Variants in BRD2 observed in about 807,000 individuals in gnomAD.
BRD2 encodes bromodomain containing 2.
A neutral mutation model predicts 79.1 loss-of-function variants in BRD2; 15 were observed. That is an observed-to-expected ratio of 0.19 (90% CI 0.13 to 0.29). The LOEUF is 0.29. Among genes scored for constraint, BRD2 ranks in the 10% least tolerant of loss-of-function variants. BRD2 has a pLI of 1.00. For missense variants in BRD2, 1,053 were observed against 991.3 expected, an observed-to-expected ratio of 1.06 and a Z score of -0.84; for synonymous variants, 488 against 358.6, an observed-to-expected ratio of 1.36 and a Z score of -4.08.
At position 32,971,823 on chromosome 6, in the gene BRD2, G is replaced by A. The variant is rs1329945240; in HGVS notation, c.-1076G>A. 5 of 668,482 alleles carry A rather than the reference G, an allele frequency of 7.5e-6. No homozygotes were observed. The highest frequency in any genetic ancestry group is 4.5e-5 in the Admixed American group (2 of 44,700). 41.4% of individuals were successfully genotyped at this position (668,482 alleles called of 1,614,324 possible). A position where few individuals can be genotyped will look rare whatever the true frequency, so the allele number is the denominator to read the frequency against. On this transcript the variant is annotated 5_prime_UTR_variant, in exon 2 of 13. The change creates a new upstream start codon in the 5' untranslated region. Coordinates refer to ENST00000374825, the MANE Select transcript of BRD2 (RefSeq NM_005104.4). ...TGTTGGAAGGGGAGGCGGGGAGAGA[G>A]TGCTGGAGGCTCTGGGGCGATGGCT...
In BRD2 at chr6:32,980,851, G is replaced by A; in HGVS notation, c.*133G>A. 9.0e-7 allele frequency: 1 copy of A among 1,106,572 alleles called. No homozygotes were observed. The highest frequency in any genetic ancestry group is 1.3e-6 in the Non-Finnish European group (1 of 777,720). 68.5% of individuals were successfully genotyped at this position (1,106,572 alleles called of 1,614,324 possible). On this transcript the variant is annotated 3_prime_UTR_variant, in exon 13 of 13. Coordinates refer to ENST00000374825, the MANE Select transcript of BRD2 (RefSeq NM_005104.4). ...CCCCCGCCCCCCTCTAGGAGAGCTG[G>A]CTCTGCAGTGGGGGAGGGATGCAGG...
intron 2 of BRD2, 189 bp downstream of exon 2, chr6:32,973,116 G>C: frequency 1.9e-6 from 3 of 1,554,518 alleles, no homozygotes; most frequent in Non-Finnish European, 2.6e-6. Context: ...TACTGCTCGT[G>C]GAGGGGAATA....
At position 32,975,365 on chromosome 6, in the gene BRD2, C is replaced by T. The variant is rs56088723; in HGVS notation, c.334-19C>T. Reference sequence around the variant, plus strand: ...GCATTTATTTTTCTGTGGTTCTGACCTAACATTTTTTTATTTAGGATTATC... The same window carrying T: ...GCATTTATTTTTCTGTGGTTCTGACTTAACATTTTTTTATTTAGGATTATC... On this transcript the variant is annotated intron_variant, in intron 3 of 12. Transcript: ENST00000374825. The T allele has an allele frequency of 4.7e-4, 743 of 1,589,280 alleles. 10 individuals are homozygous for T. The South Asian group carries it at 7.4e-3, about 16-fold the overall frequency.
chr6:32,974,095 TG>T (rs1561933276), intron 2 of BRD2, among the ~76,000 whole-genome samples: 1 of 152,094 alleles, frequency 6.6e-6, no homozygotes, highest in African/African-American at 2.4e-5. Context: ...GGAGGAAGCT[TG>T]GGGTTTGAGT....
rs1205903769 is a variant in BRD2, at chr6:32,977,576, T to C, written c.1329+6T>C. ...CAATGGCACGAAAGCTACAGGTGAGTGGAAAGGTTGGAGTTTGAAAAATAA... is the reference window on the plus strand; with the variant it reads ...CAATGGCACGAAAGCTACAGGTGAGCGGAAAGGTTGGAGTTTGAAAAATAA... On this transcript the variant is annotated splice_donor_region_variant and intron_variant, in intron 8 of 12. Transcript: ENST00000374825. 1.9e-6 allele frequency: 3 copies of C among 1,613,348 alleles called. No individual in the cohort carries two copies. Among genetic ancestry groups the C allele is most frequent in the Non-Finnish European group, 2.5e-6 (3 of 1,179,880 alleles).
In BRD2 at chr6:32,972,050, C is replaced by G. The variant is rs1057510492; in HGVS notation, c.-849C>G. 8.6e-6 allele frequency: 6 copies of G among 700,892 alleles called. No homozygotes were observed. Among genetic ancestry groups the G allele is most frequent in the Middle Eastern group, 2.3e-4 (1 of 4,386 alleles). 43.4% of individuals were successfully genotyped at this position (700,892 alleles called of 1,614,324 possible). On this transcript the variant is annotated 5_prime_UTR_variant, in exon 2 of 13. Transcript: ENST00000374825. ...AAAAAGCTCCCGCGGAGAGGTGTTC[C>G]TTCCCCTTCGACTCAGCTTCTTCAC... is the stretch of plus-strand genomic sequence containing the variant.
In BRD2 at chr6:32,976,321, A is replaced by G; in HGVS notation, c.682A>G (p.Thr228Ala). 1 of 1,612,412 alleles carries G rather than the reference A, an allele frequency of 6.2e-7. No homozygotes were observed. Among genetic ancestry groups the G allele is most frequent in the South Asian group, 1.1e-5 (1 of 91,052 alleles). Reference protein sequence around the residue: ...VSSVSHTALYTPPPEIPTTVL... With the variant: ...VSSVSHTALYAPPPEIPTTVL... Reference sequence around the variant, plus strand: ...TTCTGTGTCACACACAGCCCTGTATACTCCTCCACCTGAGATACCTACCAC... The same window carrying G: ...TTCTGTGTCACACACAGCCCTGTATGCTCCTCCACCTGAGATACCTACCAC... The change falls in exon 6 of 13, where the codon ACT becomes GCT. Residue 228 changes from threonine to alanine, a missense_variant. Thr to Ala is a moderately conservative substitution (Grantham distance 58). Coordinates refer to ENST00000374825, the MANE Select transcript of BRD2 (RefSeq NM_005104.4).
chr6:32,972,790 G>T lies in BRD2; in HGVS notation c.-109G>T. The T allele has an allele frequency of 6.5e-7, 1 of 1,543,624 alleles. No individual in the cohort carries two copies. On this transcript the variant is annotated 5_prime_UTR_variant, in exon 2 of 13. Transcript: ENST00000374825. ...GGTTTGTCGCCTGGAGGCCCAAGAG[G>T]AACGGCCTCCCCCCAACTTAGCGGG...
chr6:32,978,618 A>ATT, intron 10 of BRD2: 1 of 647,014 alleles, frequency 1.5e-6, no homozygotes, highest in South Asian at 2.1e-5. Context: ...ACCTCAGATC[A>ATT]TTGGGCCATT....
Position 32,976,922 on chromosome 6 carries a change from C to T in BRD2, c.1186C>T (p.Leu396Phe). Residue 396 changes from leucine to phenylalanine, a missense_variant, in exon 7 of 13, where the codon CTC (leucine) becomes TTC (phenylalanine). Transcript: ENST00000374825. ...YHDIIKHPMD[L>F]STVKRKMENR... ...TGACATCATTAAGCACCCCATGGAC[C>T]TCAGCACTGTCAAGGTACCCACTGC... 6.2e-7 allele frequency: 1 copy of T among 1,610,754 alleles called. No individual in the cohort carries two copies. Among genetic ancestry groups the T allele is most frequent in the Non-Finnish European group, 8.5e-7 (1 of 1,178,502 alleles).
chr6:32,973,083 T>C (rs1221345649), intron 2 of BRD2, 156 bp downstream of exon 2: 9 of 1,577,436 alleles, frequency 5.7e-6, no homozygotes, highest in Non-Finnish European at 7.7e-6. Flanking sequence ...GCGACGGTTT[T>C]GGAACGGTGG....
At chr6:32,977,420 C>G (rs780785669) in intron 7 of BRD2, 22 bp from the exon 8 acceptor site, 31 of 1,613,716 alleles carry the variant, frequency 1.9e-5, no homozygotes, top group Non-Finnish European at 2.5e-5. Context: ...TGTGCAGCTT[C>G]TGATGCTGCC....
In BRD2 at chr6:32,977,612, G is replaced by A. The variant is rs113293121; in HGVS notation, c.1329+42G>A. On this transcript the variant is annotated intron_variant, in intron 8 of 12. Coordinates refer to ENST00000374825, the MANE Select transcript of BRD2 (RefSeq NM_005104.4). ...GAGTTTGAAAAATAAATGGTATGGG[G>A]AGTTATTTTGTCATGTGTGCTGCAT... The A allele has an allele frequency of 1.0e-3, 1,634 of 1,610,176 alleles. 1 individual carries two copies. The highest frequency in any genetic ancestry group is 1.3e-3 in the Non-Finnish European group (1,479 of 1,177,500).
Position 32,980,826 on chromosome 6 carries a change from C to CT in BRD2, c.*108_*109insT. On this transcript the variant is annotated 3_prime_UTR_variant, in exon 13 of 13. Transcript: ENST00000374825. ...CTGTGACACTTCTTCATCTCACCCC[C>CT]CCCCGCCCCCCTCTAGGAGAGCTGG... The CT allele has an allele frequency of 2.2e-6, 3 of 1,345,330 alleles. No homozygotes were observed. Among genetic ancestry groups the CT allele is most frequent in the Non-Finnish European group, 3.1e-6 (3 of 973,346 alleles). The allele number at this position is 1,345,330 out of a possible 1,614,324, so 83.3% of individuals were successfully genotyped here.
rs1395596161 is a variant in BRD2 at position 32,978,399 on chromosome 6, G to A, written c.1841+11G>A. 3.1e-6 allele frequency: 5 copies of A among 1,608,178 alleles called. No homozygotes were observed. The highest frequency in any genetic ancestry group is 2.2e-5 in the East Asian group (1 of 44,814). ...AGGAAGTGGCACCAAGTGAGTTAGA[G>A]TAGGAAGCAGAGACTAGTTTGGCTA... On this transcript the variant is annotated intron_variant, in intron 10 of 12. Coordinates refer to ENST00000374825, the MANE Select transcript of BRD2 (RefSeq NM_005104.4).
At position 32,972,235 on chromosome 6, in the gene BRD2, G is replaced by A. The variant is rs1226107405; in HGVS notation, c.-664G>A. 2.0e-6 allele frequency: 1 copy of A among 490,246 alleles called. No homozygotes were observed. The highest frequency in any genetic ancestry group is 3.8e-6 in the Non-Finnish European group (1 of 266,142). 30.4% of individuals were successfully genotyped at this position (490,246 alleles called of 1,614,324 possible). ...TGGAGTGGAGCAGCCTCTAGAACGA[G>A]CTGGAGGATTCTGCCTACCGATACA... On this transcript the variant is annotated 5_prime_UTR_variant, in exon 2 of 13. Coordinates refer to ENST00000374825, the MANE Select transcript of BRD2 (RefSeq NM_005104.4).
chr6:32,975,918 C>G (rs1484534306), intron 4 of BRD2, 113 bp from the exon 5 acceptor site: 4 of 1,206,940 alleles, frequency 3.3e-6, no homozygotes, highest in Non-Finnish European at 1.1e-6. Context: ...GACAAGATGA[C>G]TGGTGGGGGT....
chr6:32,975,089 G>A, intron 3 of BRD2: 1 of 1,512,466 alleles, frequency 6.6e-7, no homozygotes, highest in Non-Finnish European at 8.8e-7. Context: ...CCCTCATGCA[G>A]CCCATGGATA....
intron 7 of BRD2, chr6:32,977,141 G>C (rs1330899479): frequency 4.7e-6 from 6 of 1,286,970 alleles, no homozygotes; most frequent in Non-Finnish European, 6.3e-6. Context: ...TCTTTGTCTT[G>C]AGAAAAATAC....
Sources: gnomAD v4.1 joint callset for allele counts (sites outside exome capture counted in the v4.1 genomes callset) on GRCh38, gnomAD v4.1.1 for gene constraint, MANE v1.5 for transcripts, NCBI Gene and HGNC (gene_info 2026-07-23, HGNC 2026-07-21) for gene names.